KIAA0586: variants seen among roughly 807,000 people sequenced by gnomAD.
The protein encoded by KIAA0586 is KIAA0586.
KIAA0586 carries 144 observed loss-of-function variants against 169.8 expected under a neutral mutation model. The ratio of observed to expected loss-of-function variants is 0.85; its 90% CI spans 0.74 to 0.97. KIAA0586 has a LOEUF of 0.97. KIAA0586 is among the 50% of genes least tolerant of loss of function. The pLI, the probability that KIAA0586 is intolerant of heterozygous loss-of-function variation, is 0.00. For synonymous variants in KIAA0586, 625 were observed against 612.4 expected (o/e 1.02, Z -0.30); for missense variants, 1,854 against 1,823.0 (o/e 1.02, Z -0.31).
At position 58,461,441 on chromosome 14, in the gene KIAA0586, T is replaced by A. The variant is rs182642576; in HGVS notation, c.2059+281T>A. Among the ~76,000 whole-genome samples the A allele has an allele frequency of 3.7e-4, 57 of 152,170 alleles. 1 individual carries two copies. Among genetic ancestry groups the A allele is most frequent in the East Asian group, 1.2e-3 (6 of 5,184 alleles). ...ATTTAGGAGAAAATGATTTTTTTTT[T>A]AATTTTTTTTTTAGACAAGGTCTCA... On this transcript the variant is annotated intron_variant, in intron 14 of 30. Transcript: ENST00000652326.
intron 18 of KIAA0586, among the ~76,000 whole-genome samples, chr14:58,473,464 T>G (rs2041377503): frequency 6.6e-6 from 1 of 152,214 alleles, no homozygotes; most frequent in South Asian, 2.1e-4. Flanking sequence ...TTGGTTATGA[T>G]GTGGTAATGC....
chr14:58,436,520 T>C (rs1215963550), intron 4 of KIAA0586, among the ~76,000 whole-genome samples: 1 of 152,194 alleles, frequency 6.6e-6, no homozygotes, highest in Non-Finnish European at 1.5e-5. Context: ...ATTACAAAAT[T>C]AGCATATGTT....
intron 28 of KIAA0586, among the ~76,000 whole-genome samples, chr14:58,510,134 G>T (rs2044284636): frequency 6.6e-6 from 1 of 152,212 alleles, no homozygotes; most frequent in African/African-American, 2.4e-5. Context: ...ACTTTGGGAG[G>T]CTGAGGCAGG....
intron 23 of KIAA0586, 150 bp downstream of exon 23, chr14:58,488,259 T>G: frequency 1.4e-6 from 1 of 694,422 alleles, no homozygotes; most frequent in East Asian, 2.7e-5. Context: ...AGTGTTGAGT[T>G]TTGAAAAATT....
At chr14:58,523,881 A>G (rs1236507447) in intron 29 of KIAA0586, among the ~76,000 whole-genome samples, 1 of 152,000 alleles carries the variant, frequency 6.6e-6, no homozygotes, top group Non-Finnish European at 1.5e-5. Flanking sequence ...TATTTTTATT[A>G]TACCACAATG....
At chr14:58,485,203 T>C (rs931594935) in intron 21 of KIAA0586, among the ~76,000 whole-genome samples, 5 of 151,408 alleles carry the variant, frequency 3.3e-5, no homozygotes, top group Non-Finnish European at 7.4e-5. Context: ...ATTACAGGCA[T>C]GAGCCACCGC....
intron 4 of KIAA0586, chr14:58,441,420 C>A: frequency 3.4e-6 from 1 of 297,960 alleles, no homozygotes; most frequent in Non-Finnish European, 7.3e-6. Context: ...AGGCTGGTCT[C>A]GAACTCCTGG....
intron 21 of KIAA0586, among the ~76,000 whole-genome samples, chr14:58,484,765 A>G (rs1340653526): frequency 1.3e-5 from 2 of 148,430 alleles, no homozygotes; most frequent in Non-Finnish European, 3.0e-5. Flanking sequence ...AGAAATTCTA[A>G]TATGCTTCAT....
intron 4 of KIAA0586, among the ~76,000 whole-genome samples, chr14:58,436,857 G>T (rs2037862702): frequency 6.6e-6 from 1 of 152,208 alleles, no homozygotes; most frequent in Non-Finnish European, 1.5e-5. Flanking sequence ...GAAGAATCTG[G>T]CTAGAGTGTC....
intron 4 of KIAA0586, chr14:58,440,067 T>TTTG: frequency 2.2e-5 from 5 of 224,588 alleles, no homozygotes; most frequent in South Asian, 8.4e-5. Flanking sequence ...TTTTTTTTTC[T>TTTG]AGAGACAGGG....
chr14:58,470,395 TTG>T (rs1358022328), intron 16 of KIAA0586, among the ~76,000 whole-genome samples: 1 of 152,112 alleles, frequency 6.6e-6, no homozygotes, highest in African/African-American at 2.4e-5. Flanking sequence ...AGATAGAATT[TTG>T]TGTGTTTTCC....
chr14:58,436,263 A>C (rs1311356748), intron 4 of KIAA0586, among the ~76,000 whole-genome samples: 1 of 152,182 alleles, frequency 6.6e-6, no homozygotes, highest in Non-Finnish European at 1.5e-5. Flanking sequence ...AAATTTTTAC[A>C]CTAATGGAAG....
chr14:58,445,140 C>CACACACACATATACACAT (rs2038764364), intron 6 of KIAA0586, among the ~76,000 whole-genome samples: 1 of 151,528 alleles, frequency 6.6e-6, no homozygotes, highest in South Asian at 2.1e-4. Flanking sequence ...CACACACACA[C>CACACACACATATACACAT]ACACACACAT....
At chr14:58,482,419 A>G (rs1329197411) in intron 20 of KIAA0586, 94 bp from the exon 21 acceptor site, 3 of 967,634 alleles carry the variant, frequency 3.1e-6, no homozygotes, top group South Asian at 2.4e-5. Context: ...GAGTGACACT[A>G]CGTCTCGAGA....
chr14:58,526,833 G>T (rs1171743011), intron 29 of KIAA0586, among the ~76,000 whole-genome samples: 2 of 152,140 alleles, frequency 1.3e-5, no homozygotes, highest in African/African-American at 4.8e-5. Context: ...AAGCTGGACT[G>T]TAATTTCCCT....
intron 29 of KIAA0586, among the ~76,000 whole-genome samples, chr14:58,513,948 C>T (rs2044572118): frequency 6.6e-6 from 1 of 151,978 alleles, no homozygotes; most frequent in Non-Finnish European, 1.5e-5. Flanking sequence ...AAAGGGTTTA[C>T]AACAGTTGGA....
chr14:58,478,770 A>G (rs1159191728), intron 20 of KIAA0586, among the ~76,000 whole-genome samples: 1 of 152,158 alleles, frequency 6.6e-6, no homozygotes, highest in African/African-American at 2.4e-5. Context: ...GCCCCTAACA[A>G]CACTGATCTG....
In KIAA0586 at chr14:58,484,863, CA is replaced by C. The variant is rs2042261805; in HGVS notation, c.3145-2141del. ...AAAGACTTTAGAATGAAGAAAAAGT[CA>C]AATTTTATATATATTATATATATAT... On this transcript the variant is annotated intron_variant, in intron 21 of 30. Transcript: ENST00000652326. 3.6e-5 allele frequency among the ~76,000 whole-genome samples: 3 copies of C among 82,472 alleles called. No individual in the cohort carries two copies. The South Asian group carries it at 1.3e-3, about 35-fold the overall frequency. The allele number at this position is 82,472 out of a possible 152,430, so 54.1% of individuals were successfully genotyped here.
At chr14:58,502,199 G>A (rs1254170030) in intron 27 of KIAA0586, among the ~76,000 whole-genome samples, 3 of 151,828 alleles carry the variant, frequency 2.0e-5, no homozygotes, top group Non-Finnish European at 2.9e-5. Context: ...GCAGTGGTGC[G>A]ATCTCAGCTC....
Sources: allele counts gnomAD v4.1 joint callset (sites outside exome capture counted in the v4.1 genomes callset), GRCh38; gene constraint gnomAD v4.1.1; transcripts MANE v1.5; gene names NCBI Gene and HGNC (gene_info 2026-07-23, HGNC 2026-07-21).